The following SKAP2 variants were observed in gnomAD, a reference collection of about 807,000 sequenced individuals.
SKAP2 encodes the protein src kinase-associated phosphoprotein 2.
SKAP2 carries 28 observed loss-of-function variants against 54.9 expected under a neutral mutation model. The observed-to-expected ratio is 0.51, with a 90% CI of 0.38 to 0.70. The LOEUF is 0.70. SKAP2 is among the 30% of genes least tolerant of loss of function. The pLI is 0.00. For missense variants in SKAP2, 356 were observed against 424.1 expected (o/e 0.84, Z 1.41); for synonymous variants, 137 against 134.3 (o/e 1.02, Z -0.14).
intron 4 of SKAP2, among the ~76,000 whole-genome samples, chr7:26,835,082 T>G (rs970254948): frequency 6.6e-6 from 1 of 152,038 alleles, no homozygotes; most frequent in African/African-American, 2.4e-5. Flanking sequence ...TAAACAGAAC[T>G]AATGACAAAA....
rs1032298341 is a variant in SKAP2, at chr7:26,726,085, C to T, written c.595-99G>A. ...CTTTAAGACTATTAGTAATTCTTTT[C>T]ATGTCTAGTGGAACTTTTCTTGCAA... On this transcript the variant is annotated intron_variant, in intron 7 of 12. Coordinates refer to ENST00000345317, the MANE Select transcript of SKAP2 (RefSeq NM_003930.5). The T allele has an allele frequency of 4.4e-5, 33 of 748,020 alleles. No individual in the cohort carries two copies. In the South Asian group the frequency reaches 5.3e-4, roughly 12 times the overall value. 46.3% of individuals were successfully genotyped at this position (748,020 alleles called of 1,614,324 possible).
intron 4 of SKAP2, among the ~76,000 whole-genome samples, chr7:26,780,401 C>T (rs1185282542): frequency 2.0e-5 from 3 of 151,986 alleles, no homozygotes; most frequent in Non-Finnish European, 4.4e-5. Flanking sequence ...TGCATAGGGG[C>T]TATCTAGACT....
chr7:26,703,690 CAACACAAATCTGCATAGCAGATTTGT>C (rs1787096715), intron 9 of SKAP2, among the ~76,000 whole-genome samples: 1 of 152,018 alleles, frequency 6.6e-6, no homozygotes, highest in Admixed American at 6.6e-5. Context: ...GTAAAGTGGT[CAACACAAATCTGCATAGCAGATTTGT>C]AACAGTGATT....
chr7:26,688,359 A>C (rs1786696297), intron 10 of SKAP2, among the ~76,000 whole-genome samples: 1 of 152,186 alleles, frequency 6.6e-6, no homozygotes, highest in Non-Finnish European at 1.5e-5. Context: ...ACACAAGATT[A>C]ATTTTGTTTT....
chr7:26,758,414 G>T (rs140324910), intron 4 of SKAP2, among the ~76,000 whole-genome samples: 1 of 152,082 alleles, frequency 6.6e-6, no homozygotes, highest in Non-Finnish European at 1.5e-5. Context: ...TAGTTTTATA[G>T]TACAATGATA....
intron 4 of SKAP2, among the ~76,000 whole-genome samples, chr7:26,803,560 G>C (rs991705964): frequency 4.6e-5 from 7 of 152,202 alleles, no homozygotes; most frequent in Admixed American, 1.3e-4. Flanking sequence ...ACAGTTTGGA[G>C]GTTCCTCAAA....
chr7:26,773,221 A>T (rs979647933), intron 4 of SKAP2, among the ~76,000 whole-genome samples: 5 of 152,226 alleles, frequency 3.3e-5, no homozygotes, highest in Non-Finnish European at 7.3e-5. Flanking sequence ...TTGGCTGAGG[A>T]TATCAGAAGA....
intron 3 of SKAP2, chr7:26,848,118 C>G (rs1054705882): frequency 6.6e-6 from 1 of 152,166 alleles, no homozygotes; most frequent in Non-Finnish European, 1.5e-5. Flanking sequence ...TTACTATTAG[C>G]CATTCTTTCT....
chr7:26,670,903 T>C (rs10246578), intron 11 of SKAP2, among the ~76,000 whole-genome samples: 12,395 of 152,160 alleles, frequency 0.081, 591 homozygotes, highest in Middle Eastern at 0.17. Context: ...GTCACCCTTA[T>C]AGTGGAAGAT....
chr7:26,797,917 T>A (rs1783816075), intron 4 of SKAP2, among the ~76,000 whole-genome samples: 1 of 151,036 alleles, frequency 6.6e-6, no homozygotes, highest in Admixed American at 6.6e-5. Flanking sequence ...TACTGAAGAA[T>A]GCATCAGAGT....
intron 1 of SKAP2, among the ~76,000 whole-genome samples, chr7:26,863,156 C>T (rs1034663345): frequency 6.6e-6 from 1 of 152,116 alleles, no homozygotes; most frequent in Admixed American, 6.5e-5. Flanking sequence ...AAACATAAGT[C>T]TACATTCATA....
intron 11 of SKAP2, among the ~76,000 whole-genome samples, chr7:26,674,591 C>CA (rs1786313302): frequency 6.6e-6 from 1 of 152,174 alleles, no homozygotes; most frequent in South Asian, 2.1e-4. Flanking sequence ...GAAACTGACA[C>CA]AATCTCTAAG....
chr7:26,807,162 T>C (rs1223770812), intron 4 of SKAP2, among the ~76,000 whole-genome samples: 7 of 152,202 alleles, frequency 4.6e-5, no homozygotes, highest in East Asian at 3.8e-4. Flanking sequence ...ACTGTGAACA[T>C]TGATGAAATG....
chr7:26,735,183 C>T (rs1787899737), intron 6 of SKAP2, among the ~76,000 whole-genome samples: 1 of 152,072 alleles, frequency 6.6e-6, no homozygotes, highest in Admixed American at 6.6e-5. Context: ...TCCTCAGTGC[C>T]TACTAGCTAA....
At chr7:26,822,746 G>A (rs1562624385) in intron 4 of SKAP2, among the ~76,000 whole-genome samples, 2 of 151,968 alleles carry the variant, frequency 1.3e-5, no homozygotes, top group Non-Finnish European at 2.9e-5. Flanking sequence ...AGCCAGGCGT[G>A]GTGGCGGGCG....
At chr7:26,781,018 A>T (rs118063014) in intron 4 of SKAP2, among the ~76,000 whole-genome samples, 2,291 of 152,274 alleles carry the variant, frequency 0.015, 25 homozygotes, top group Non-Finnish European at 0.025. Flanking sequence ...TTCCTATTAT[A>T]ATGTTAACTT....
intron 4 of SKAP2, among the ~76,000 whole-genome samples, chr7:26,763,461 T>C (rs1473748220): frequency 6.6e-6 from 1 of 152,192 alleles, no homozygotes; most frequent in Non-Finnish European, 1.5e-5. Context: ...TCCCTGATGA[T>C]GTTAATTTTC....
At chr7:26,747,642 G>A (rs550372687) in intron 4 of SKAP2, among the ~76,000 whole-genome samples, 2 of 152,238 alleles carry the variant, frequency 1.3e-5, no homozygotes, top group South Asian at 2.1e-4. Context: ...CTACATGCAT[G>A]TAAGATATGC....
At chr7:26,821,800 C>T (rs558559875) in intron 4 of SKAP2, among the ~76,000 whole-genome samples, 11 of 152,248 alleles carry the variant, frequency 7.2e-5, no homozygotes, top group Non-Finnish European at 1.5e-4. Flanking sequence ...ATTTACTCCC[C>T]TTTGTCCCAC....
Sources: allele counts gnomAD v4.1 joint callset (sites outside exome capture counted in the v4.1 genomes callset), GRCh38; gene constraint gnomAD v4.1.1; transcripts MANE v1.5; gene names NCBI Gene and HGNC (gene_info 2026-07-23, HGNC 2026-07-21).